The following OR2C1 variants were observed in gnomAD, a reference collection of about 807,000 sequenced individuals.
The protein encoded by OR2C1 is olfactory receptor 2C1.
For synonymous variants in OR2C1, 209 were observed against 167.3 expected, an observed-to-expected ratio of 1.25 and a Z score of -1.92; for missense variants, 468 against 388.3, an observed-to-expected ratio of 1.21 and a Z score of -1.73.
chr16:3,353,983 C>CTTTTTTTT (rs1001983184), upstream of OR2C1, among the ~76,000 whole-genome samples: 1 of 115,500 alleles, frequency 8.7e-6, no homozygotes, highest in African/African-American at 3.3e-5. Flanking sequence ...CTTTTCTTTT[C>CTTTTTTTT]TTTTTTTTTT....
the OR2C1 span, among the ~76,000 whole-genome samples, chr16:3,342,140 G>A: frequency 6.6e-6 from 1 of 152,000 alleles, no homozygotes; most frequent in African/African-American, 2.4e-5. Flanking sequence ...AGTCCCAGCT[G>A]CCTGGGAGGC....
the OR2C1 span, among the ~76,000 whole-genome samples, chr16:3,349,240 G>A: frequency 6.6e-6 from 1 of 152,128 alleles, no homozygotes; most frequent in Non-Finnish European, 1.5e-5. Flanking sequence ...TTACTAGTTC[G>A]ATTACTAATC....
At chr16:3,353,025 C>T (rs1005149655), upstream of OR2C1, among the ~76,000 whole-genome samples, 2 of 151,528 alleles carry the variant, frequency 1.3e-5, no homozygotes, top group Non-Finnish European at 2.9e-5. Flanking sequence ...TTACAGGCGT[C>T]AGCCACTGCG....
At chr16:3,341,316 A>T in the OR2C1 span, among the ~76,000 whole-genome samples, 3 of 152,066 alleles carry the variant, frequency 2.0e-5, no homozygotes, top group African/African-American at 7.2e-5. Flanking sequence ...AACTTTGCTG[A>T]ATTAATTTAT....
At chr16:3,355,029 C>T (rs548593079), upstream of OR2C1, among the ~76,000 whole-genome samples, 10 of 152,230 alleles carry the variant, frequency 6.6e-5, no homozygotes, top group South Asian at 2.1e-3. Flanking sequence ...AACTGAAGGG[C>T]TCTTCAGTTC....
the OR2C1 span, among the ~76,000 whole-genome samples, chr16:3,328,293 A>G: frequency 3.3e-5 from 5 of 152,246 alleles, no homozygotes; most frequent in Non-Finnish European, 4.4e-5. Flanking sequence ...CTTTGCAACC[A>G]GAATTCCTCG....
chr16:3,345,987 C>G, the OR2C1 span, among the ~76,000 whole-genome samples: 2 of 151,998 alleles, frequency 1.3e-5, no homozygotes, highest in African/African-American at 4.8e-5. Flanking sequence ...GTGTGCACCA[C>G]CACGTCTAAC....
At chr16:3,328,955 C>G in the OR2C1 span, among the ~76,000 whole-genome samples, 55 of 150,776 alleles carry the variant, frequency 3.6e-4, 1 homozygote, top group African/African-American at 1.3e-3. Flanking sequence ...GTAAACACAA[C>G]ACATGAAATA....
At chr16:3,338,102 G>A in the OR2C1 span, among the ~76,000 whole-genome samples, 1 of 152,134 alleles carries the variant, frequency 6.6e-6, no homozygotes, top group Non-Finnish European at 1.5e-5. Context: ...CAGTAGTGTG[G>A]GAAGGCTGGC....
chr16:3,345,218 C>T, the OR2C1 span, among the ~76,000 whole-genome samples: 2 of 151,906 alleles, frequency 1.3e-5, no homozygotes, highest in Non-Finnish European at 1.5e-5. Context: ...CCTGTAATCC[C>T]AGCACTTTGG....
upstream of OR2C1, among the ~76,000 whole-genome samples, chr16:3,353,311 C>T (rs908276365): frequency 2.0e-5 from 3 of 149,294 alleles, no homozygotes; most frequent in Admixed American, 6.6e-5. Context: ...CCAACATGGT[C>T]AAAACCCCAT....
At chr16:3,350,417 GTGTTTTTTTTT>G in the OR2C1 span, among the ~76,000 whole-genome samples, 1 of 142,220 alleles carries the variant, frequency 7.0e-6, no homozygotes, top group East Asian at 2.2e-4. Flanking sequence ...TGTTTTTTTT[GTGTTTTTTTTT>G]TGAGATGGAG....
Position 3,356,565 on chromosome 16 carries a change from G to A in OR2C1, c.625G>A (p.Val209Ile). The A allele has an allele frequency of 1.9e-6, 3 of 1,614,188 alleles. No homozygotes were observed. The highest frequency in any genetic ancestry group is 2.5e-6 in the Non-Finnish European group (3 of 1,180,040). The change falls in exon 1 of 1, where the codon GTC becomes ATC. Residue 209 changes from valine to isoleucine, a missense_variant. Physicochemically the swap from Val to Ile is conservative, Grantham distance 29. Transcript: ENST00000304936. The stretch of plus-strand genomic sequence containing the variant: ...TGGTGTCTGCACCTTCTTCACTGCA[G>A]TCCCACTAAGCATCATCGTGATCTC... ...LNGVCTFFTA[V>I]PLSIIVISYC...
chr16:3,336,955 A>G, the OR2C1 span, among the ~76,000 whole-genome samples: 1 of 149,486 alleles, frequency 6.7e-6, no homozygotes, highest in Admixed American at 6.6e-5. Context: ...TGATCCGCCC[A>G]TCTTGGCCTC....
the OR2C1 span, among the ~76,000 whole-genome samples, chr16:3,324,642 G>A: frequency 6.6e-6 from 1 of 151,590 alleles, no homozygotes; most frequent in African/African-American, 2.4e-5. Context: ...GTTAGAGATG[G>A]GAGTCTTGAT....
At chr16:3,347,349 T>C in the OR2C1 span, among the ~76,000 whole-genome samples, 1 of 151,482 alleles carries the variant, frequency 6.6e-6, no homozygotes, top group African/African-American at 2.4e-5. Flanking sequence ...GAGCTAGGAT[T>C]GCACCACTGC....
the OR2C1 span, among the ~76,000 whole-genome samples, chr16:3,327,575 T>C: frequency 6.6e-6 from 1 of 151,456 alleles, no homozygotes; most frequent in Non-Finnish European, 1.5e-5. Flanking sequence ...GCATCCCAGA[T>C]GCCTCGTAAT....
chr16:3,329,200 A>ACACACACC, the OR2C1 span, among the ~76,000 whole-genome samples: 27 of 150,966 alleles, frequency 1.8e-4, no homozygotes, highest in Non-Finnish European at 3.1e-4. Context: ...ACACACACAC[A>ACACACACC]CACACACACA....
the OR2C1 span, among the ~76,000 whole-genome samples, chr16:3,340,065 G>A: frequency 5.3e-5 from 8 of 152,082 alleles, no homozygotes; most frequent in Non-Finnish European, 8.8e-5. Flanking sequence ...GATCACCTGA[G>A]GTCAGGAGTT....
Sources: gnomAD v4.1 joint callset for allele counts (sites outside exome capture counted in the v4.1 genomes callset) on GRCh38, gnomAD v4.1.1 for gene constraint, MANE v1.5 for transcripts, NCBI Gene and HGNC (gene_info 2026-07-23, HGNC 2026-07-21) for gene names.